Variants in SPATA17 observed in about 807,000 individuals in gnomAD.
SPATA17 encodes the protein spermatogenesis-associated protein 17.
A neutral mutation model predicts 62.2 loss-of-function variants in SPATA17; 53 were observed. That is an observed-to-expected ratio of 0.85 (90% CI 0.68 to 1.07). The LOEUF (loss-of-function observed/expected upper bound fraction) is 1.07. Ranked by LOEUF, SPATA17 falls within the 50% of genes least tolerant of loss-of-function variation. The pLI is 0.00. For missense variants in SPATA17, 466 were observed against 425.5 expected (o/e 1.10, Z -0.84); for synonymous variants, 146 against 146.8 (o/e 0.99, Z 0.04).
chr1:217,866,222 A>T (rs1314576263), intron 10 of SPATA17, among the ~76,000 whole-genome samples: 2 of 152,204 alleles, frequency 1.3e-5, no homozygotes, highest in Non-Finnish European at 1.5e-5. Flanking sequence ...ATGTGAACTT[A>T]TAACCCTTTC....
At chr1:217,757,795 C>A (rs1380821073) in intron 6 of SPATA17, among the ~76,000 whole-genome samples, 1 of 152,160 alleles carries the variant, frequency 6.6e-6, no homozygotes, top group Non-Finnish European at 1.5e-5. Context: ...CAGTGAAGAT[C>A]ATTACGTTGT....
At chr1:217,661,538 C>A (rs1670569752) in intron 3 of SPATA17, among the ~76,000 whole-genome samples, 1 of 152,102 alleles carries the variant, frequency 6.6e-6, no homozygotes, top group African/African-American at 2.4e-5. Flanking sequence ...AATAATAGAG[C>A]TATTCCAGTC....
intron 1 of SPATA17, among the ~76,000 whole-genome samples, chr1:217,643,513 C>T (rs1558548946): frequency 6.6e-6 from 1 of 152,062 alleles, no homozygotes; most frequent in Non-Finnish European, 1.5e-5. Context: ...CCCCAGGCAG[C>T]CCCCACTTGA....
At chr1:217,857,627 G>A (rs970841926) in intron 9 of SPATA17, among the ~76,000 whole-genome samples, 2 of 152,112 alleles carry the variant, frequency 1.3e-5, no homozygotes, top group East Asian at 1.9e-4. Flanking sequence ...CCCATGATCG[G>A]ATGACATGTT....
rs60918828 is a variant in SPATA17 at position 217,689,943 on chromosome 1, G to A, written c.395+6582G>A. ...TTTGAGACAGAGTTTTGCTCTTTTC[G>A]CCCAGGCTGCAGTGCAATGGCACAA... is the stretch of plus-strand genomic sequence containing the variant. On this transcript the variant is annotated intron_variant, in intron 5 of 10. Transcript: ENST00000366933. Among the ~76,000 whole-genome samples the A allele has an allele frequency of 7.2e-3, 1,046 of 145,934 alleles. 12 individuals carry two copies. The highest frequency in any genetic ancestry group is 0.026 in the African/African-American group (1,010 of 39,350).
At chr1:217,806,749 C>G (rs924752162) in intron 9 of SPATA17, among the ~76,000 whole-genome samples, 5 of 152,078 alleles carry the variant, frequency 3.3e-5, no homozygotes, top group Non-Finnish European at 7.3e-5. Context: ...TATGTTCCTA[C>G]TCTAGCTCAA....
chr1:217,839,973 A>C (rs1271852267), intron 9 of SPATA17, among the ~76,000 whole-genome samples: 1 of 151,464 alleles, frequency 6.6e-6, no homozygotes, highest in Non-Finnish European at 1.5e-5. Flanking sequence ...CTGAAGTGCA[A>C]CTCGGAAAAT....
Position 217,801,866 on chromosome 1 carries a change from A to G in SPATA17, c.1005+16A>G. On this transcript the variant is annotated intron_variant, in intron 9 of 10. Coordinates refer to ENST00000366933, the MANE Select transcript of SPATA17 (RefSeq NM_138796.4). The stretch of plus-strand genomic sequence containing the variant: ...CTGTGACAAGGTGAGTTAACAAAAC[A>G]TTTTAAAAAGTTATTCCTTTTTAAA... 6.3e-7 allele frequency: 1 copy of G among 1,590,172 alleles called. No individual in the cohort carries two copies.
At chr1:217,819,466 A>G (rs751648807) in intron 9 of SPATA17, among the ~76,000 whole-genome samples, 20 of 151,912 alleles carry the variant, frequency 1.3e-4, no homozygotes, top group South Asian at 1.0e-3. Flanking sequence ...TTCAGATTCA[A>G]TGCTCTTCTC....
At chr1:217,823,988 C>A (rs1008353213) in intron 9 of SPATA17, among the ~76,000 whole-genome samples, 1 of 151,858 alleles carries the variant, frequency 6.6e-6, no homozygotes, top group Non-Finnish European at 1.5e-5. Flanking sequence ...AGTTTGTTTC[C>A]TTACAGGTAA....
intron 9 of SPATA17, among the ~76,000 whole-genome samples, chr1:217,858,690 C>T (rs1451010290): frequency 8.7e-5 from 13 of 149,490 alleles, no homozygotes; most frequent in Non-Finnish European, 1.5e-5. Context: ...GAGTTCAAGG[C>T]CAGCCTGGGC....
intron 9 of SPATA17, among the ~76,000 whole-genome samples, chr1:217,844,077 C>T (rs1675469929): frequency 6.6e-6 from 1 of 152,236 alleles, no homozygotes; most frequent in Non-Finnish European, 1.5e-5. Context: ...ATTAGTCTGA[C>T]GCAGTTTCGT....
chr1:217,755,837 T>C (rs1435473933), intron 6 of SPATA17, among the ~76,000 whole-genome samples: 1 of 152,104 alleles, frequency 6.6e-6, no homozygotes, highest in Non-Finnish European at 1.5e-5. Context: ...TCACTGAAAT[T>C]ATTCAATTTA....
chr1:217,804,607 A>G (rs1188399883), intron 9 of SPATA17, among the ~76,000 whole-genome samples: 3 of 151,990 alleles, frequency 2.0e-5, no homozygotes, highest in Non-Finnish European at 4.4e-5. Context: ...GAGACAAACT[A>G]TGGAATAGGA....
intron 10 of SPATA17, among the ~76,000 whole-genome samples, chr1:217,864,077 G>A (rs1361669013): frequency 6.6e-6 from 1 of 152,098 alleles, no homozygotes; most frequent in East Asian, 1.9e-4. Context: ...ATACATGAGG[G>A]GAAATATGAA....
At chr1:217,682,386 T>C (rs574444513) in intron 4 of SPATA17, among the ~76,000 whole-genome samples, 1 of 151,970 alleles carries the variant, frequency 6.6e-6, no homozygotes, top group South Asian at 2.1e-4. Context: ...AACACCCTAC[T>C]TTGATGATAT....
intron 6 of SPATA17, among the ~76,000 whole-genome samples, chr1:217,759,096 G>A (rs1165585782): frequency 6.6e-6 from 1 of 152,170 alleles, no homozygotes; most frequent in East Asian, 1.9e-4. Flanking sequence ...TTGTGAATAT[G>A]GGGGAATAAC....
intron 5 of SPATA17, among the ~76,000 whole-genome samples, chr1:217,718,841 CCAAACAAACAAA>C (rs370605124): frequency 1.3e-5 from 2 of 151,908 alleles, no homozygotes; most frequent in Non-Finnish European, 2.9e-5. Flanking sequence ...GTACTGGCTG[CCAAACAAACAAA>C]CAAACAAACA....
chr1:217,706,870 TTC>T (rs767861679), intron 5 of SPATA17, among the ~76,000 whole-genome samples: 12 of 138,156 alleles, frequency 8.7e-5, no homozygotes, highest in Non-Finnish European at 1.4e-4. Flanking sequence ...CTTTCTTTCT[TTC>T]TTTTTTTTTT....
Sources: gnomAD v4.1 joint callset for allele counts (sites outside exome capture counted in the v4.1 genomes callset) on GRCh38, gnomAD v4.1.1 for gene constraint, MANE v1.5 for transcripts, NCBI Gene and HGNC (gene_info 2026-07-23, HGNC 2026-07-21) for gene names.